The following RNF157 variants were observed in gnomAD, a reference collection of about 807,000 sequenced individuals.
RNF157 encodes E3 ubiquitin ligase RNF157.
A neutral mutation model predicts 88.3 loss-of-function variants in RNF157; 55 were observed. That is an observed-to-expected ratio of 0.62 (90% CI 0.50 to 0.78). RNF157 has a LOEUF of 0.78. Among genes scored for constraint, RNF157 ranks in the 30% least tolerant of loss-of-function variants. RNF157 has a pLI of 0.00. For synonymous variants in RNF157, 334 were observed against 341.2 expected (o/e 0.98, Z 0.23); for missense variants, 788 against 860.8 (o/e 0.92, Z 1.06).
intron 2 of RNF157, among the ~76,000 whole-genome samples, chr17:76,181,843 G>A (rs908111024): frequency 1.4e-5 from 2 of 147,834 alleles, no homozygotes; most frequent in African/African-American, 4.9e-5. Flanking sequence ...AGGAGGCAGA[G>A]GTTGCAGTGA....
Position 76,142,788 on chromosome 17 carries a change from T to G in RNF157, c.*2447A>C, listed in dbSNP as rs1291731975. On this transcript the variant is annotated 3_prime_UTR_variant, in exon 19 of 19. Coordinates refer to ENST00000269391, the MANE Select transcript of RNF157 (RefSeq NM_052916.3). ...GCCTCAGCGGGGGTAGAAACTCTGG[T>G]GGGATGGAGCTGGGCAGAAGGAAAA... 6.6e-6 allele frequency: 1 copy of G among 152,022 alleles called. No individual in the cohort carries two copies. Among genetic ancestry groups the G allele is most frequent in the Admixed American group, 6.6e-5 (1 of 15,224 alleles). 9.4% of individuals were successfully genotyped at this position (152,022 alleles called of 1,614,324 possible). A position where few individuals can be genotyped will look rare whatever the true frequency, so the allele number is the denominator to read the frequency against.
At position 76,157,681 on chromosome 17, in the gene RNF157, C is replaced by T. The variant is rs1482979400; in HGVS notation, c.1413+712G>A. ...ACAACGTGCCAGGCACATGCTATTC[C>T]CATGTATATGTCCTGTCCCAGCCAG... On this transcript the variant is annotated intron_variant, in intron 13 of 18. Transcript: ENST00000269391. The surrounding 1 kb of genome is among the most constrained non-coding windows in gnomAD (Gnocchi z 5.6). Among the ~76,000 whole-genome samples, 4 of 152,150 alleles carry T rather than the reference C, an allele frequency of 2.6e-5. No homozygotes were observed. In the East Asian group the frequency reaches 7.7e-4, roughly 29 times the overall value.
intron 1 of RNF157, among the ~76,000 whole-genome samples, chr17:76,224,719 T>TA (rs35330664): frequency 0.31 from 45,429 of 146,844 alleles, 7,294 homozygotes; most frequent in East Asian, 0.43. Context: ...TGATAAGCTT[T>TA]AAAAAAAAAA....
intron 8 of RNF157, chr17:76,163,915 AAACT>A (rs774885645): frequency 6.6e-6 from 1 of 152,346 alleles, no homozygotes; most frequent in East Asian, 1.9e-4. Flanking sequence ...TTATATTGGA[AAACT>A]AATTTATCCT....
Position 76,145,065 on chromosome 17 carries a change from G to T in RNF157, c.*170C>A. On this transcript the variant is annotated 3_prime_UTR_variant, in exon 19 of 19. Coordinates refer to ENST00000269391, the MANE Select transcript of RNF157 (RefSeq NM_052916.3). ...GGCTTTAGGTCACACGGAGAAAGGA[G>T]GGTTCCAGTTCCCTCTGAGAGGTGA... 1.8e-6 allele frequency: 1 copy of T among 567,672 alleles called. No homozygotes were observed. 35.2% of individuals were successfully genotyped at this position (567,672 alleles called of 1,614,324 possible). A position where few individuals can be genotyped will look rare whatever the true frequency, so the allele number is the denominator to read the frequency against.
chr17:76,166,414 A>T (rs770257916), intron 6 of RNF157, 47 bp downstream of exon 6: 1 of 1,511,842 alleles, frequency 6.6e-7, no homozygotes, highest in Non-Finnish European at 9.2e-7. Context: ...GGAATATGCC[A>T]CAAAAGAGCA....
At chr17:76,234,168 T>TA (rs374070094) in intron 1 of RNF157, among the ~76,000 whole-genome samples, 36 of 152,344 alleles carry the variant, frequency 2.4e-4, no homozygotes, top group Middle Eastern at 3.4e-3. Context: ...TCACTGAGTA[T>TA]AACATTTTCA....
At chr17:76,204,786 T>A (rs868399405) in intron 2 of RNF157, among the ~76,000 whole-genome samples, 2 of 135,064 alleles carry the variant, frequency 1.5e-5, no homozygotes, top group Non-Finnish European at 3.0e-5. Context: ...TTCTTTCTTT[T>A]TTTTTTTTTT....
intron 16 of RNF157, 191 bp from the exon 17 acceptor site, chr17:76,154,519 C>T (rs946336659): frequency 3.5e-5 from 21 of 600,658 alleles, no homozygotes; most frequent in Non-Finnish European, 5.1e-5. Context: ...GCACCATCTG[C>T]CTACAGGGAT....
intron 2 of RNF157, 154 bp downstream of exon 2, chr17:76,212,210 C>A (rs2069813606): frequency 3.3e-6 from 2 of 601,900 alleles, no homozygotes; most frequent in East Asian, 5.6e-5. Flanking sequence ...AGATCCCATA[C>A]AACCAAGGAG....
Position 76,229,082 on chromosome 17 carries a change from A to G in RNF157, c.88+11071T>C, listed in dbSNP as rs575959854. Among the ~76,000 whole-genome samples, 18 of 152,262 alleles carry G rather than the reference A, an allele frequency of 1.2e-4. 1 individual carries two copies. In the South Asian group the frequency reaches 3.7e-3, roughly 32 times the overall value. Reference sequence around the variant, plus strand: ...AAAACTGTTCTCTGGAACACCAACCAAACCAAGTCTTGTCTCACACTTCAT... The same window carrying G: ...AAAACTGTTCTCTGGAACACCAACCGAACCAAGTCTTGTCTCACACTTCAT... On this transcript the variant is annotated intron_variant, in intron 1 of 18. Transcript: ENST00000269391.
intron 2 of RNF157, among the ~76,000 whole-genome samples, chr17:76,204,413 G>A (rs2069642434): frequency 6.6e-6 from 1 of 152,120 alleles, no homozygotes; most frequent in African/African-American, 2.4e-5. Context: ...ACAGTCCCTC[G>A]CAGTGGGGGC....
Position 76,146,811 on chromosome 17 carries a change from G to A in RNF157, c.1922-1458C>T, listed in dbSNP as rs777191811. 6.1e-6 allele frequency: 6 copies of A among 985,330 alleles called. No homozygotes were observed. Among genetic ancestry groups the A allele is most frequent in the Non-Finnish European group, 6.0e-6 (5 of 829,910 alleles). 61.0% of individuals were successfully genotyped at this position (985,330 alleles called of 1,614,324 possible). On this transcript the variant is annotated intron_variant, in intron 18 of 18. Transcript: ENST00000269391. This position sits in a 1 kb window ranked among gnomAD's most constrained non-coding sequence, Gnocchi z 4.2. ...TGACCCATAGGAGGACCTGTTCAGC[G>A]GACAAGGCCGACCAACTGTAGAGTG...
chr17:76,220,169 C>T (rs1160058702), intron 1 of RNF157, among the ~76,000 whole-genome samples: 1 of 152,004 alleles, frequency 6.6e-6, no homozygotes, highest in African/African-American at 2.4e-5. Flanking sequence ...TTGGAGGCCA[C>T]ATTCCAAGTC....
At chr17:76,194,042 A>G (rs377506416) in intron 2 of RNF157, among the ~76,000 whole-genome samples, 1 of 152,134 alleles carries the variant, frequency 6.6e-6, no homozygotes, top group Non-Finnish European at 1.5e-5. Flanking sequence ...CCTCTTTCCA[A>G]GGCACATTCT....
chr17:76,159,445 G>C lies in RNF157; in HGVS notation c.1194C>G (p.Leu398=). Residue 398 remains leucine, a synonymous_variant, in exon 12 of 19, where the codon CTC becomes CTG. Coordinates refer to ENST00000269391, the MANE Select transcript of RNF157 (RefSeq NM_052916.3). The part of the protein sequence containing the change: ...VLGDGHLSGM[L]PSYGSDGHLP... ...GGTGGCCATCACTGCCATATGAAGG[G>C]AGCATTCCTGAGAGGTGGCCATCTC... 1 of 1,613,194 alleles carries C rather than the reference G, an allele frequency of 6.2e-7. No individual in the cohort carries two copies. Among genetic ancestry groups the C allele is most frequent in the East Asian group, 2.2e-5 (1 of 44,834 alleles).
intron 2 of RNF157, among the ~76,000 whole-genome samples, chr17:76,180,008 T>C (rs773065354): frequency 3.9e-5 from 6 of 152,212 alleles, no homozygotes; most frequent in Non-Finnish European, 7.3e-5. Context: ...AGATAAAGTC[T>C]TTCTGATGTA....
rs1386996710 is a variant in RNF157 at position 76,145,222 on chromosome 17, C to CAG, written c.*11_*12dup. On this transcript the variant is annotated 3_prime_UTR_variant, in exon 19 of 19. Transcript: ENST00000269391. ...GCAGGGCAGGAGGGGAGCCCAAGTG[C>CAG]AGAGGCTGGGGCTCAGACAGCCAAA... 28 of 1,546,600 alleles carry CAG rather than the reference C, an allele frequency of 1.8e-5. 1 individual carries two copies. The African/African-American group carries it at 1.9e-4, about 10-fold the overall frequency.
At chr17:76,185,487 T>TTTTTTTTTTTTTTTTTGATGG (rs1568047329) in intron 2 of RNF157, among the ~76,000 whole-genome samples, 1 of 149,980 alleles carries the variant, frequency 6.7e-6, no homozygotes, top group African/African-American at 2.5e-5. Context: ...TTTTTTTTTT[T>TTTTTTTTTTTTTTTTTGATGG]GAGACGGAGT....
Sources: gnomAD v4.1 joint callset for allele counts (sites outside exome capture counted in the v4.1 genomes callset) on GRCh38, gnomAD v4.1.1 for gene constraint, Gnocchi (gnomAD v3.1) non-coding constraint, MANE v1.5 for transcripts, NCBI Gene and HGNC (gene_info 2026-07-23, HGNC 2026-07-21) for gene names.